RAB11FIP1: variants seen among roughly 807,000 people sequenced by gnomAD.
RAB11FIP1 encodes the protein RAB11 family interacting protein 1.
In RAB11FIP1, 49 loss-of-function variants were observed where a neutral mutation model predicts 83.1. The ratio of observed to expected loss-of-function variants is 0.59; its 90% CI spans 0.47 to 0.75. The LOEUF is 0.75. Ranked by LOEUF, RAB11FIP1 falls within the 30% of genes least tolerant of loss-of-function variation. The probability of loss-of-function intolerance (pLI) is 0.00; values close to 1 mark genes in which losing one functional copy is unlikely to be tolerated. For synonymous variants in RAB11FIP1, 670 were observed against 656.0 expected, an observed-to-expected ratio of 1.02 and a Z score of -0.33; for missense variants, 1,536 against 1,598.7, an observed-to-expected ratio of 0.96 and a Z score of 0.67.
At chr8:37,874,438 A>C in intron 3 of RAB11FIP1, 77 bp downstream of exon 3, 3 of 1,142,962 alleles carry the variant, frequency 2.6e-6, no homozygotes, top group Non-Finnish European at 3.9e-6. Context: ...GGGACCCACA[A>C]GAGCTGGTCT....
chr8:37,890,721 G>A (rs1478151342), intron 1 of RAB11FIP1, among the ~76,000 whole-genome samples: 1 of 150,762 alleles, frequency 6.6e-6, no homozygotes, highest in South Asian at 2.1e-4. Context: ...GTTGCAGTGA[G>A]CTGAGATTGA....
chr8:37,885,567 C>T (rs1254315099), intron 1 of RAB11FIP1, among the ~76,000 whole-genome samples: 6 of 151,980 alleles, frequency 3.9e-5, no homozygotes, highest in Non-Finnish European at 7.4e-5. Flanking sequence ...AGACAAGGCA[C>T]AGATAAAAGT....
chr8:37,879,500 G>A (rs1490843655), intron 1 of RAB11FIP1, among the ~76,000 whole-genome samples: 1 of 152,172 alleles, frequency 6.6e-6, no homozygotes, highest in Admixed American at 6.6e-5. Flanking sequence ...TTCAGTTGTG[G>A]AAAATGAAAA....
chr8:37,891,308 C>G (rs1806943104), intron 1 of RAB11FIP1, among the ~76,000 whole-genome samples: 1 of 152,180 alleles, frequency 6.6e-6, no homozygotes, highest in Admixed American at 6.5e-5. Context: ...TCTCTCTATT[C>G]AAGGCTAGAC....
In RAB11FIP1 at chr8:37,877,247, A is replaced by C. The variant is rs1372254412; in HGVS notation, c.676T>G (p.Leu226Val). 4 of 1,614,018 alleles carry C rather than the reference A, an allele frequency of 2.5e-6. No homozygotes were observed. The highest frequency in any genetic ancestry group is 3.4e-6 in the Non-Finnish European group (4 of 1,180,016). ...KIKTLLSKSN[L>V]QKTPLSQSMS... Reference sequence around the variant, plus strand: ...GACTGGGAAAGAGGCGTCTTCTGCAAATTTGACTTGGAAAGTAAGGTCTTG... The same window carrying C: ...GACTGGGAAAGAGGCGTCTTCTGCACATTTGACTTGGAAAGTAAGGTCTTG... The change falls in exon 2 of 6, where the codon TTG becomes GTG. Residue 226 changes from leucine to valine, a missense_variant. Transcript: ENST00000330843.
chr8:37,896,668 G>T (rs1330572057), intron 1 of RAB11FIP1, among the ~76,000 whole-genome samples: 1 of 152,048 alleles, frequency 6.6e-6, no homozygotes, highest in Non-Finnish European at 1.5e-5. Flanking sequence ...AGAGCTCAAG[G>T]TTTCAATCTC....
At chr8:37,889,855 C>T (rs1302952713) in intron 1 of RAB11FIP1, among the ~76,000 whole-genome samples, 1 of 151,992 alleles carries the variant, frequency 6.6e-6, no homozygotes, top group African/African-American at 2.4e-5. Flanking sequence ...GGGATCTTGG[C>T]TCACCGCAAG....
chr8:37,873,595 G>A (rs1480887752), intron 3 of RAB11FIP1, among the ~76,000 whole-genome samples: 1 of 151,346 alleles, frequency 6.6e-6, no homozygotes, highest in African/African-American at 2.4e-5. Flanking sequence ...GATAGAGGGA[G>A]ACTGTCTCAA....
intron 5 of RAB11FIP1, among the ~76,000 whole-genome samples, chr8:37,869,467 C>T (rs1046329752): frequency 2.6e-5 from 4 of 151,990 alleles, no homozygotes; most frequent in Non-Finnish European, 4.4e-5. Context: ...TGGCGCGCAC[C>T]TACAGTCCCA....
chr8:37,894,739 T>TATATATATATATAC (rs1416954611), intron 1 of RAB11FIP1, among the ~76,000 whole-genome samples: 18 of 147,242 alleles, frequency 1.2e-4, no homozygotes, highest in African/African-American at 4.2e-4. Context: ...TATATATATA[T>TATATATATATATAC]ACACACACAC....
chr8:37,887,302 G>A (rs573131593), intron 1 of RAB11FIP1, among the ~76,000 whole-genome samples: 48 of 152,174 alleles, frequency 3.2e-4, no homozygotes, highest in African/African-American at 1.0e-3. Flanking sequence ...AGGCCGAGGC[G>A]GGCAGATCAC....
At position 37,871,044 on chromosome 8, in the gene RAB11FIP1, T is replaced by A; in HGVS notation, c.3524+234A>T. On this transcript the variant is annotated intron_variant, in intron 4 of 5. Coordinates refer to ENST00000330843, the MANE Select transcript of RAB11FIP1 (RefSeq NM_001002814.3). ...TTCTGCAATGTGCGAGCTCCAAATC[T>A]GACCGTGCAGAACAATTCCTAAGCT... 4 of 504,900 alleles carry A rather than the reference T, an allele frequency of 7.9e-6. No individual in the cohort carries two copies. The South Asian group carries it at 9.0e-5, about 11-fold the overall frequency. The allele number at this position is 504,900 out of a possible 1,614,324, so 31.3% of individuals were successfully genotyped here. A position where few individuals can be genotyped will look rare whatever the true frequency, so the allele number is the denominator to read the frequency against.
intron 4 of RAB11FIP1, 122 bp downstream of exon 4, chr8:37,871,156 G>T: frequency 7.5e-7 from 1 of 1,331,638 alleles, no homozygotes; most frequent in Non-Finnish European, 1.0e-6. Context: ...CTACCAGCAG[G>T]ACAGTGACAG....
Position 37,892,239 on chromosome 8 carries a change from C to T in RAB11FIP1, c.371+6832G>A, listed in dbSNP as rs570927581. 2.0e-4 allele frequency among the ~76,000 whole-genome samples: 30 copies of T among 152,186 alleles called. No homozygotes were observed. The South Asian group carries it at 6.0e-3, about 31-fold the overall frequency. On this transcript the variant is annotated intron_variant, in intron 1 of 5. Coordinates refer to ENST00000330843, the MANE Select transcript of RAB11FIP1 (RefSeq NM_001002814.3). The stretch of plus-strand genomic sequence containing the variant: ...TCTTAAATCCACCACCTCTGTCCAC[C>T]TCCACAGGTGGCTTGGACATCATTC...
chr8:37,878,873 C>T (rs962357998), intron 1 of RAB11FIP1, among the ~76,000 whole-genome samples: 2 of 151,794 alleles, frequency 1.3e-5, no homozygotes, highest in Non-Finnish European at 2.9e-5. Context: ...GTGGTGTGCG[C>T]CTATACTCTC....
Position 37,862,370 on chromosome 8 carries a change from G to T in RAB11FIP1, c.*525C>A. The T allele has an allele frequency of 6.5e-6, 1 of 153,918 alleles. No individual in the cohort carries two copies. The highest frequency in any genetic ancestry group is 1.4e-5 in the Non-Finnish European group (1 of 69,220). The allele number at this position is 153,918 out of a possible 1,614,324, so 9.5% of individuals were successfully genotyped here. A position where few individuals can be genotyped will look rare whatever the true frequency, so the allele number is the denominator to read the frequency against. On this transcript the variant is annotated 3_prime_UTR_variant, in exon 6 of 6. Transcript: ENST00000330843. ...GACCCAAGTCTGAGAAGCTGGGTAG[G>T]TTTACATGGTATCAAAATTTAACAT...
In RAB11FIP1 at chr8:37,862,210, C is replaced by A. The variant is rs987060764; in HGVS notation, c.*685G>T. The A allele has an allele frequency of 6.6e-6, 1 of 152,294 alleles. No individual in the cohort carries two copies. The highest frequency in any genetic ancestry group is 2.1e-4 in the South Asian group (1 of 4,830). 9.4% of individuals were successfully genotyped at this position (152,294 alleles called of 1,614,324 possible). The stretch of plus-strand genomic sequence containing the variant: ...ACTTTTCCTATCTCCAGTAGAAGGG[C>A]CCTGGATCTAAGCAGAAGGTATTTT... On this transcript the variant is annotated 3_prime_UTR_variant, in exon 6 of 6. Transcript: ENST00000330843.
Position 37,872,345 on chromosome 8 carries a change from C to T in RAB11FIP1, c.2457G>A (p.Glu819=), listed in dbSNP as rs1242192413. 2 of 1,614,106 alleles carry T rather than the reference C, an allele frequency of 1.2e-6. No individual in the cohort carries two copies. Among genetic ancestry groups the T allele is most frequent in the African/African-American group, 2.7e-5 (2 of 74,938 alleles). Residue 819 remains glutamate, a synonymous_variant, in exon 4 of 6, where the codon GAG becomes GAA. Coordinates refer to ENST00000330843, the MANE Select transcript of RAB11FIP1 (RefSeq NM_001002814.3). ...CCAGCAAGGCAGCCCCCGCCACTGC[C>T]TCTTCCGTGAAGAGCTGCTCAGAAA... The part of the protein sequence containing the change: ...VSFSEQLFTE[E]AVAGAALLVE...
At chr8:37,894,320 A>G (rs1209351368) in intron 1 of RAB11FIP1, among the ~76,000 whole-genome samples, 1 of 152,140 alleles carries the variant, frequency 6.6e-6, no homozygotes, top group South Asian at 2.1e-4. Context: ...CTCCCAGAAA[A>G]ACAACTATCT....
Sources: gnomAD v4.1 joint callset for allele counts (sites outside exome capture counted in the v4.1 genomes callset) on GRCh38, gnomAD v4.1.1 for gene constraint, MANE v1.5 for transcripts, NCBI Gene and HGNC (gene_info 2026-07-23, HGNC 2026-07-21) for gene names.